The following CPSF3 variants were observed in gnomAD, a reference collection of about 807,000 sequenced individuals.
The protein encoded by CPSF3 is cleavage and polyadenylation specificity factor subunit 3.
Under a neutral mutation model 84.1 loss-of-function variants are expected in CPSF3, and 57 were observed. The ratio of observed to expected loss-of-function variants is 0.68; its 90% CI spans 0.55 to 0.85. The LOEUF (loss-of-function observed/expected upper bound fraction) is 0.85, where lower values mean the gene tolerates loss of function less well. Ranked by LOEUF, CPSF3 falls within the 40% of genes least tolerant of loss-of-function variation. CPSF3 has a pLI of 0.00. For synonymous variants in CPSF3, 275 were observed against 278.1 expected, an observed-to-expected ratio of 0.99 and a Z score of 0.11; for missense variants, 522 against 838.8, an observed-to-expected ratio of 0.62 and a Z score of 4.66.
intron 10 of CPSF3, 23 bp downstream of exon 10, chr2:9,443,684 T>C (rs1398882058): frequency 1.2e-6 from 2 of 1,608,204 alleles, no homozygotes; most frequent in Admixed American, 1.7e-5. Context: ...ATTTCATTTA[T>C]TGTATTAAAG....
intron 1 of CPSF3, 66 bp from the exon 2 acceptor site, chr2:9,428,699 G>A (rs757511050): frequency 9.0e-5 from 100 of 1,112,480 alleles, no homozygotes; most frequent in Non-Finnish European, 1.3e-4. Context: ...GTAAAAAAGT[G>A]TAAGTTTATT....
intron 14 of CPSF3, 118 bp downstream of exon 14, chr2:9,457,145 A>ATGTG (rs1242754370): frequency 6.7e-5 from 32 of 475,248 alleles, no homozygotes; most frequent in East Asian, 1.8e-4. Context: ...GTTGGAAAGT[A>ATGTG]TATGTGTGTG....
chr2:9,453,114 G>A (rs997015602), intron 12 of CPSF3, 93 bp downstream of exon 12: 10 of 701,148 alleles, frequency 1.4e-5, no homozygotes, highest in Non-Finnish European at 2.0e-5. Context: ...CTAATGTTAT[G>A]TAATAGACAA....
intron 10 of CPSF3, among the ~76,000 whole-genome samples, chr2:9,444,151 TA>T (rs1407586172): frequency 7.1e-6 from 1 of 141,698 alleles, no homozygotes; most frequent in African/African-American, 2.7e-5. Context: ...TATATATATA[TA>T]TATATATTTT....
intron 16 of CPSF3, among the ~76,000 whole-genome samples, chr2:9,468,326 G>A (rs1682044153): frequency 6.6e-6 from 1 of 152,012 alleles, no homozygotes; most frequent in African/African-American, 2.4e-5. Context: ...TGACTCCCAG[G>A]CTCGAGCAAT....
chr2:9,466,257 C>T (rs1161603754), intron 15 of CPSF3, among the ~76,000 whole-genome samples: 3 of 99,786 alleles, frequency 3.0e-5, no homozygotes, highest in South Asian at 2.7e-4. Flanking sequence ...CGCGCACACA[C>T]GCACACAAAG....
At chr2:9,462,604 G>T (rs1294169419) in intron 15 of CPSF3, among the ~76,000 whole-genome samples, 1 of 152,162 alleles carries the variant, frequency 6.6e-6, no homozygotes, top group Non-Finnish European at 1.5e-5. Context: ...CACATAGCTC[G>T]TGTGTGTTTT....
At position 9,461,095 on chromosome 2, in the gene CPSF3, T is replaced by C. The variant is rs539678232; in HGVS notation, c.1786+1477T>C. Among the ~76,000 whole-genome samples, 4 of 152,358 alleles carry C rather than the reference T, an allele frequency of 2.6e-5. No individual in the cohort carries two copies. In the South Asian group the frequency reaches 6.2e-4, roughly 24 times the overall value. ...ATACTTAGACAATCTAAATCTGTTA[T>C]TCATTTGAGTCACTGGTAAGCATTT... On this transcript the variant is annotated intron_variant, in intron 15 of 17. Coordinates refer to ENST00000238112, the MANE Select transcript of CPSF3 (RefSeq NM_016207.4).
Position 9,438,069 on chromosome 2 carries a change from C to T in CPSF3, c.760+1708C>T, listed in dbSNP as rs369865789. On this transcript the variant is annotated intron_variant, in intron 7 of 17. Coordinates refer to ENST00000238112, the MANE Select transcript of CPSF3 (RefSeq NM_016207.4). ...ACCTCTGTGCGAAGCACTAGAAACA[C>T]TTGCATCTTAGCTCATCCTCTCTGT... 4.6e-5 allele frequency among the ~76,000 whole-genome samples: 7 copies of T among 152,382 alleles called. No homozygotes were observed. In the East Asian group the frequency reaches 1.3e-3, roughly 29 times the overall value.
At chr2:9,435,279 A>G (rs577914783) in intron 6 of CPSF3, among the ~76,000 whole-genome samples, 4 of 152,196 alleles carry the variant, frequency 2.6e-5, no homozygotes, top group Non-Finnish European at 4.4e-5. Context: ...ATCTGTTTCT[A>G]TTTTAAAAGC....
chr2:9,439,795 TG>T (rs1390325392), intron 7 of CPSF3, among the ~76,000 whole-genome samples: 1 of 151,470 alleles, frequency 6.6e-6, no homozygotes, highest in East Asian at 1.9e-4. Flanking sequence ...GAGACCAGCC[TG>T]GGAAACATAA....
intron 11 of CPSF3, among the ~76,000 whole-genome samples, chr2:9,448,613 A>G (rs1681204287): frequency 6.6e-6 from 1 of 152,024 alleles, no homozygotes; most frequent in Non-Finnish European, 1.5e-5. Flanking sequence ...CTGGAGTGCA[A>G]TGGTGCGATC....
At chr2:9,451,932 G>T in intron 11 of CPSF3, among the ~76,000 whole-genome samples, 1 of 151,906 alleles carries the variant, frequency 6.6e-6, no homozygotes, top group East Asian at 2.0e-4. Context: ...TGGCCAGGAT[G>T]GTCTCAATCT....
chr2:9,443,107 G>A (rs1260726136), intron 9 of CPSF3, among the ~76,000 whole-genome samples: 1 of 152,200 alleles, frequency 6.6e-6, no homozygotes, highest in Non-Finnish European at 1.5e-5. Context: ...AGGCTGCAGT[G>A]AGCTGAGATC....
At chr2:9,450,264 A>G (rs1681273520) in intron 11 of CPSF3, among the ~76,000 whole-genome samples, 1 of 148,712 alleles carries the variant, frequency 6.7e-6, no homozygotes, top group African/African-American at 2.5e-5. Context: ...GAATTCTCCT[A>G]CCTCAGCCTC....
chr2:9,430,964 A>G (rs1472566283), intron 4 of CPSF3, 84 bp downstream of exon 4: 2 of 1,006,672 alleles, frequency 2.0e-6, no homozygotes, highest in Admixed American at 2.2e-5. Flanking sequence ...GTGTTTTAAA[A>G]TGAGGTGCTC....
At chr2:9,427,255 T>C (rs1680425886) in intron 1 of CPSF3, among the ~76,000 whole-genome samples, 1 of 152,100 alleles carries the variant, frequency 6.6e-6, no homozygotes, top group African/African-American at 2.4e-5. Flanking sequence ...AGAGGAGAAA[T>C]AGAAGGAGAC....
At chr2:9,471,648 G>A (rs1159129745) in intron 17 of CPSF3, among the ~76,000 whole-genome samples, 2 of 151,768 alleles carry the variant, frequency 1.3e-5, no homozygotes, top group African/African-American at 4.8e-5. Context: ...CAAGGTTCGC[G>A]TGTATGCCAC....
At chr2:9,460,352 A>C (rs13010310) in intron 15 of CPSF3, among the ~76,000 whole-genome samples, 10,502 of 152,076 alleles carry the variant, frequency 0.069, 1,251 homozygotes, top group African/African-American at 0.24. Context: ...TGGCGTGAAC[A>C]CAGGAGGCAG....
Sources: allele counts gnomAD v4.1 joint callset (sites outside exome capture counted in the v4.1 genomes callset), GRCh38; gene constraint gnomAD v4.1.1; transcripts MANE v1.5; gene names NCBI Gene and HGNC (gene_info 2026-07-23, HGNC 2026-07-21).